Variants in PCDHA7 observed in about 807,000 individuals in gnomAD.
PCDHA7 encodes protocadherin alpha-7.
In PCDHA7, 37 loss-of-function variants were observed where a neutral mutation model predicts 57.2. That is an observed-to-expected ratio of 0.65 (90% CI 0.50 to 0.85). PCDHA7 has a LOEUF of 0.85. Ranked by LOEUF, PCDHA7 falls within the 40% of genes least tolerant of loss-of-function variation. The pLI, the probability that PCDHA7 is intolerant of heterozygous loss-of-function variation, is 0.00. For missense variants in PCDHA7, 1,188 were observed against 1,241.8 expected (o/e 0.96, Z 0.65); for synonymous variants, 553 against 558.8 (o/e 0.99, Z 0.15).
intron 3 of PCDHA7, among the ~76,000 whole-genome samples, chr5:140,995,811 G>A (rs949931541): frequency 6.6e-6 from 1 of 152,240 alleles, no homozygotes; most frequent in South Asian, 2.1e-4. Context: ...GTTTCTGAAG[G>A]GAGATAGCCT....
At chr5:140,920,718 C>A (rs183020461) in intron 1 of PCDHA7, among the ~76,000 whole-genome samples, 3 of 152,168 alleles carry the variant, frequency 2.0e-5, no homozygotes, top group East Asian at 3.9e-4. Context: ...GTGGTGTGCG[C>A]CTGCAGTCCC....
intron 1 of PCDHA7, chr5:140,849,720 C>T (rs1184011333): frequency 1.3e-6 from 2 of 1,598,576 alleles, no homozygotes; most frequent in Admixed American, 1.7e-5. Context: ...CTCGTTGGTG[C>T]TGGACAGAGC....
intron 1 of PCDHA7, among the ~76,000 whole-genome samples, chr5:140,905,257 C>T (rs920530176): frequency 6.6e-6 from 1 of 152,168 alleles, no homozygotes; most frequent in African/African-American, 2.4e-5. Context: ...CCACATGAGG[C>T]TTGGCAGTTA....
At chr5:141,009,577 C>T in intron 3 of PCDHA7, 50 bp from the exon 4 acceptor site, 1 of 1,584,324 alleles carries the variant, frequency 6.3e-7, no homozygotes, top group South Asian at 1.2e-5. Flanking sequence ...AGTGTGGCAT[C>T]AAGAGCATGT....
chr5:140,897,540 A>C (rs1554187435), intron 1 of PCDHA7, among the ~76,000 whole-genome samples: 1 of 152,052 alleles, frequency 6.6e-6, no homozygotes, highest in Non-Finnish European at 1.5e-5. Flanking sequence ...ATGGCTGCAT[A>C]GTCTTCCATG....
chr5:140,950,981 TG>T (rs1443074941), intron 1 of PCDHA7, among the ~76,000 whole-genome samples: 1 of 152,138 alleles, frequency 6.6e-6, no homozygotes, highest in East Asian at 1.9e-4. Context: ...CATTGACTTT[TG>T]CCTCTTTTAG....
rs146932686 is a variant in PCDHA7, at chr5:140,955,010, G to T, written c.2356-23939G>T. 3.9e-3 allele frequency among the ~76,000 whole-genome samples: 599 copies of T among 152,256 alleles called. 6 individuals carry two copies. The highest frequency in any genetic ancestry group is 0.032 in the South Asian group (154 of 4,816). On this transcript the variant is annotated intron_variant, in intron 1 of 3. Transcript: ENST00000525929. ...TGCATATGGCTAGCCAATTCTCCCAGCACCATTTATTAAATAGGGAATCTT... is the reference window on the plus strand; with the variant it reads ...TGCATATGGCTAGCCAATTCTCCCATCACCATTTATTAAATAGGGAATCTT...
intron 1 of PCDHA7, chr5:140,883,064 G>A (rs2059422329): frequency 1.2e-6 from 2 of 1,614,096 alleles, no homozygotes; most frequent in Non-Finnish European, 1.7e-6. Context: ...CAAGCTAAAT[G>A]CCACAGATCC....
chr5:140,985,007 G>A (rs1349447884), intron 3 of PCDHA7, among the ~76,000 whole-genome samples: 2 of 151,706 alleles, frequency 1.3e-5, no homozygotes, highest in African/African-American at 4.8e-5. Flanking sequence ...GCACGATATC[G>A]GCTCACAGCA....
intron 1 of PCDHA7, chr5:140,876,344 G>T (rs1554168492): frequency 6.2e-7 from 1 of 1,614,040 alleles, no homozygotes; most frequent in Admixed American, 1.7e-5. Flanking sequence ...AGTGAGAAAT[G>T]TATGTTTTCA....
At chr5:140,882,088 T>G (rs1334008975) in intron 1 of PCDHA7, 3 of 1,087,274 alleles carry the variant, frequency 2.8e-6, no homozygotes, top group African/African-American at 1.6e-5. Flanking sequence ...CGCTCTTCAC[T>G]GAGAACGTTT....
At chr5:140,870,671 A>T in intron 1 of PCDHA7, 1 of 1,612,606 alleles carries the variant, frequency 6.2e-7, no homozygotes, top group Non-Finnish European at 8.5e-7. Context: ...CAGCCGTTGG[A>T]CCACGAGGAG....
rs2150218754 is a variant in PCDHA7, at chr5:140,834,459, G to A, written c.76G>A (p.Ala26Thr). The change falls in exon 1 of 4, where the codon GCA becomes ACA. Residue 26 changes from alanine to threonine, a missense_variant. Ala to Thr is a moderately conservative substitution (Grantham distance 58). Transcript: ENST00000525929. ...LFIIILAAWE[A>T]GRGQLHYSVP... ...TATTATAATTCTAGCAGCTTGGGAG[G>A]CAGGGAGAGGCCAGCTCCACTACTC... is the stretch of plus-strand genomic sequence containing the variant. 9.3e-6 allele frequency: 15 copies of A among 1,614,052 alleles called. No homozygotes were observed. The highest frequency in any genetic ancestry group is 1.7e-4 in the Middle Eastern group (1 of 6,058).
intron 1 of PCDHA7, chr5:140,876,963 G>A: frequency 6.2e-7 from 1 of 1,613,068 alleles, no homozygotes; most frequent in Middle Eastern, 1.8e-4. Flanking sequence ...TGGTGGAGCG[G>A]CGGGTGGGCG....
intron 1 of PCDHA7, 81 bp downstream of exon 1, chr5:140,836,819 C>A: frequency 1.8e-6 from 2 of 1,113,460 alleles, no homozygotes; most frequent in East Asian, 2.5e-5. Flanking sequence ...TTCATAATTT[C>A]TTTTTTAGTT....
At position 140,856,500 on chromosome 5, in the gene PCDHA7, T is replaced by G. The variant is rs371158035; in HGVS notation, c.2355+19762T>G. 1.4e-5 allele frequency: 22 copies of G among 1,598,280 alleles called. 1 individual carries two copies. The African/African-American group carries it at 3.0e-4, about 22-fold the overall frequency. ...GAATCCAGACTGCTTGACTCTCGAT[T>G]TCCACTAGAAGGCGCATCTGATGCG... On this transcript the variant is annotated intron_variant, in intron 1 of 3. Transcript: ENST00000525929.
intron 1 of PCDHA7, chr5:140,927,041 T>G (rs1242687827): frequency 9.9e-6 from 16 of 1,612,338 alleles, no homozygotes; most frequent in Non-Finnish European, 1.0e-5. Context: ...GCGGCCGCTA[T>G]GTCCTCGCGG....
rs1349826822 is a variant in PCDHA7, at chr5:140,911,368, C to A, written c.2356-67581C>A. Reference sequence around the variant, plus strand: ...CCTCATTTCAACAGTAGACACCTGGCAAGGCTGTGCATGCACCTTTCATTG... The same window carrying A: ...CCTCATTTCAACAGTAGACACCTGGAAAGGCTGTGCATGCACCTTTCATTG... On this transcript the variant is annotated intron_variant, in intron 1 of 3. Coordinates refer to ENST00000525929, the MANE Select transcript of PCDHA7 (RefSeq NM_018910.3). 3.3e-5 allele frequency among the ~76,000 whole-genome samples: 5 copies of A among 152,144 alleles called. No homozygotes were observed. The East Asian group carries it at 7.7e-4, about 23-fold the overall frequency.
chr5:140,955,986 C>A (rs2095245113), intron 1 of PCDHA7, among the ~76,000 whole-genome samples: 1 of 152,124 alleles, frequency 6.6e-6, no homozygotes, highest in Non-Finnish European at 1.5e-5. Flanking sequence ...GCAATTTTTG[C>A]ACATTGATTT....
Sources: allele counts gnomAD v4.1 joint callset (sites outside exome capture counted in the v4.1 genomes callset), GRCh38; gene constraint gnomAD v4.1.1; transcripts MANE v1.5; gene names NCBI Gene and HGNC (gene_info 2026-07-23, HGNC 2026-07-21).